The following INSC variants were observed in gnomAD, a reference collection of about 807,000 sequenced individuals.
The protein encoded by INSC is protein inscuteable homolog.
INSC carries 67 observed loss-of-function variants against 58.6 expected under a neutral mutation model. The observed-to-expected ratio is 1.14, with a 90% confidence interval of 0.94 to 1.40. The LOEUF (loss-of-function observed/expected upper bound fraction) is 1.40. Among genes scored for constraint, INSC ranks in the 40% most tolerant of loss-of-function variants. The pLI, the probability that INSC is intolerant of heterozygous loss-of-function variation, is 0.00. For missense variants in INSC, 714 were observed against 692.0 expected (o/e 1.03, Z -0.36); for synonymous variants, 262 against 276.1 (o/e 0.95, Z 0.51).
intron 7 of INSC, among the ~76,000 whole-genome samples, chr11:15,216,052 G>A (rs775868172): frequency 6.6e-5 from 10 of 152,202 alleles, no homozygotes; most frequent in Non-Finnish European, 1.0e-4. Context: ...GCTAGGTTTA[G>A]GGGTCATTGT....
intron 8 of INSC, among the ~76,000 whole-genome samples, chr11:15,223,821 G>A (rs902511061): frequency 6.6e-6 from 1 of 152,206 alleles, no homozygotes; most frequent in African/African-American, 2.4e-5. Context: ...TGGCTAATCT[G>A]TTTTTCCAGT....
intron 1 of INSC, among the ~76,000 whole-genome samples, chr11:15,118,491 T>C (rs1023387009): frequency 4.6e-5 from 7 of 152,190 alleles, no homozygotes; most frequent in African/African-American, 1.7e-4. Context: ...CATTATATCT[T>C]ATGTCAACCC....
chr11:15,163,320 C>A (rs117841195), intron 2 of INSC, among the ~76,000 whole-genome samples: 2 of 152,116 alleles, frequency 1.3e-5, no homozygotes, highest in African/African-American at 2.4e-5. Context: ...TGCCTCCCTG[C>A]CTTCCTTCTC....
chr11:15,241,860 G>A (rs1016082505), intron 12 of INSC, among the ~76,000 whole-genome samples: 1 of 152,190 alleles, frequency 6.6e-6, no homozygotes, highest in Non-Finnish European at 1.5e-5. Context: ...AGCCTAGTAA[G>A]TATTGTCATC....
intron 6 of INSC, among the ~76,000 whole-genome samples, chr11:15,196,483 A>G (rs1589955955): frequency 1.4e-5 from 1 of 72,650 alleles, no homozygotes; most frequent in African/African-American, 5.6e-5. Context: ...AAACTCTGCT[A>G]ACAACAAATC....
At chr11:15,142,978 C>CTCATCA (rs1331697262) in intron 1 of INSC, among the ~76,000 whole-genome samples, 1 of 152,096 alleles carries the variant, frequency 6.6e-6, no homozygotes, top group African/African-American at 2.4e-5. Flanking sequence ...TTACTGAATA[C>CTCATCA]TCATCACGGC....
At chr11:15,191,358 C>T (rs2105795) in intron 6 of INSC, among the ~76,000 whole-genome samples, 45,721 of 151,956 alleles carry the variant, frequency 0.3, 7,261 homozygotes, top group Non-Finnish European at 0.34. Context: ...CCCCCAGAGC[C>T]TCTATCATCT....
At chr11:15,148,476 C>G (rs557838324) in intron 1 of INSC, among the ~76,000 whole-genome samples, 3 of 152,312 alleles carry the variant, frequency 2.0e-5, no homozygotes, top group South Asian at 2.1e-4. Flanking sequence ...CATCTTGCAA[C>G]TCTCTGTTGG....
chr11:15,139,639 C>A (rs1197647502), intron 1 of INSC, among the ~76,000 whole-genome samples: 1 of 152,208 alleles, frequency 6.6e-6, no homozygotes, highest in African/African-American at 2.4e-5. Context: ...ATGTGCCTAG[C>A]ATTCTTATTT....
chr11:15,170,370 A>C (rs990008076), intron 2 of INSC, among the ~76,000 whole-genome samples: 1 of 151,972 alleles, frequency 6.6e-6, no homozygotes, highest in African/African-American at 2.4e-5. Context: ...GTTCTATGAC[A>C]GTTTTTCAGT....
chr11:15,225,739 G>A lies in INSC; in HGVS notation c.1081G>A (p.Glu361Lys). Residue 361 changes from glutamate to lysine, a missense_variant, in exon 9 of 13, where the codon GAG becomes AAG. Physicochemically the swap from Glu to Lys is moderately conservative, Grantham distance 56. Coordinates refer to ENST00000379556, the MANE Select transcript of INSC (RefSeq NM_001042536.3). The stretch of plus-strand genomic sequence containing the variant: ...CACGTTCTTTGACACAATGGCCTGC[G>A]AGATGCTCCTGCAGTTGAATGCCAT... ...NITFFDTMAC[E>K]MLLQLNAIRV... 9 of 1,614,050 alleles carry A rather than the reference G, an allele frequency of 5.6e-6. No homozygotes were observed. The highest frequency in any genetic ancestry group is 1.1e-5 in the South Asian group (1 of 91,018).
chr11:15,115,275 C>A (rs1847664899), intron 1 of INSC, among the ~76,000 whole-genome samples: 1 of 152,176 alleles, frequency 6.6e-6, no homozygotes, highest in Non-Finnish European at 1.5e-5. Context: ...AGGTATTTGC[C>A]TGTGTGGCAC....
chr11:15,265,441 G>A, the INSC span, among the ~76,000 whole-genome samples: 49 of 151,758 alleles, frequency 3.2e-4, no homozygotes, highest in Non-Finnish European at 6.6e-4. Context: ...TTCTTTATGG[G>A]AAGATTTTTA....
At chr11:15,229,963 TATATATA>T (rs1381850578) in intron 9 of INSC, among the ~76,000 whole-genome samples, 1 of 27,788 alleles carries the variant, frequency 3.6e-5, no homozygotes, top group Non-Finnish European at 6.7e-5. Flanking sequence ...TATATATTTA[TATATATA>T]TATATATATT....
the INSC span, among the ~76,000 whole-genome samples, chr11:15,262,655 A>AACACACACACACAC: frequency 0.013 from 1,868 of 146,752 alleles, 24 homozygotes; most frequent in African/African-American, 0.025. Flanking sequence ...CTGGGTGATA[A>AACACACACACACAC]ACACACACAC....
intron 12 of INSC, among the ~76,000 whole-genome samples, chr11:15,245,622 G>A (rs1486228673): frequency 1.3e-5 from 2 of 152,080 alleles, no homozygotes; most frequent in Non-Finnish European, 2.9e-5. Flanking sequence ...GTTACTCTAG[G>A]GATCTGGAAA....
Position 15,177,155 on chromosome 11 carries a change from C to T in INSC, c.447C>T (p.Val149=), listed in dbSNP as rs1236924851. ...AGAAATGCTCGGAGCTCTCGGCAGT[C>T]ACAGAGAGGTAAATTTGGACCATAG... ...LMEKCSELSA[V]TERCLQVENE... is the part of the protein sequence containing the mutation. The change falls in exon 4 of 13, where the codon GTC becomes GTT. Residue 149 remains valine, a synonymous_variant. Transcript: ENST00000379556. The T allele has an allele frequency of 8.7e-6, 14 of 1,613,774 alleles. No homozygotes were observed. Among genetic ancestry groups the T allele is most frequent in the African/African-American group, 1.3e-5 (1 of 74,898 alleles).
At chr11:15,257,809 G>A in the INSC span, among the ~76,000 whole-genome samples, 1 of 152,122 alleles carries the variant, frequency 6.6e-6, no homozygotes, top group African/African-American at 2.4e-5. Context: ...CGTCTCTAGT[G>A]CCTTCAGAGG....
intron 9 of INSC, among the ~76,000 whole-genome samples, chr11:15,230,013 A>ATTATAT (rs1491490993): frequency 6.3e-4 from 15 of 23,850 alleles, no homozygotes; most frequent in African/African-American, 2.6e-3. Context: ...ATATATATAT[A>ATTATAT]ATATATATAT....
Sources: gnomAD v4.1 joint callset for allele counts (sites outside exome capture counted in the v4.1 genomes callset) on GRCh38, gnomAD v4.1.1 for gene constraint, MANE v1.5 for transcripts, NCBI Gene and HGNC (gene_info 2026-07-23, HGNC 2026-07-21) for gene names.